The following ARHGAP31 variants were observed in gnomAD, a reference collection of about 807,000 sequenced individuals.
ARHGAP31 encodes Rho GTPase activating protein 31, also known as rho GTPase-activating protein 31.
ARHGAP31 carries 34 observed loss-of-function variants against 113.9 expected under a neutral mutation model. The ratio of observed to expected loss-of-function variants is 0.30; its 90% CI spans 0.23 to 0.40. The LOEUF (loss-of-function observed/expected upper bound fraction) is 0.40, where lower values mean the gene tolerates loss of function less well. ARHGAP31 is among the 10% of genes least tolerant of loss of function. ARHGAP31 has a pLI of 1.00. For missense variants in ARHGAP31, 1,548 were observed against 1,767.1 expected (o/e 0.88, Z 2.22); for synonymous variants, 650 against 684.8 (o/e 0.95, Z 0.79).
At chr3:119,326,764 T>C (rs559305771) in intron 1 of ARHGAP31, among the ~76,000 whole-genome samples, 1 of 152,322 alleles carries the variant, frequency 6.6e-6, no homozygotes, top group Non-Finnish European at 1.5e-5. Context: ...ATGACTGGAA[T>C]CTTGCGTTTG....
chr3:119,394,977 T>A (rs1364003156), intron 8 of ARHGAP31, among the ~76,000 whole-genome samples: 3 of 152,180 alleles, frequency 2.0e-5, no homozygotes, highest in Non-Finnish European at 2.9e-5. Context: ...CACTTTAAAA[T>A]AACTAGCAAA....
chr3:119,346,716 A>G (rs1325374404), intron 1 of ARHGAP31, among the ~76,000 whole-genome samples: 2 of 152,238 alleles, frequency 1.3e-5, no homozygotes, highest in East Asian at 3.8e-4. Context: ...TGGGGCAGAA[A>G]GAAGCCCAGG....
intron 1 of ARHGAP31, among the ~76,000 whole-genome samples, chr3:119,324,236 A>G (rs550158518): frequency 1.3e-5 from 2 of 152,272 alleles, no homozygotes; most frequent in East Asian, 3.9e-4. Flanking sequence ...ACTCACTTCA[A>G]ACCCTCCTAG....
At chr3:119,348,131 C>T (rs1240338197) in intron 1 of ARHGAP31, among the ~76,000 whole-genome samples, 4 of 152,150 alleles carry the variant, frequency 2.6e-5, no homozygotes, top group Admixed American at 2.6e-4. Flanking sequence ...TTTGTAGGAG[C>T]CTGAACACAA....
At chr3:119,316,406 A>G (rs2079731150) in intron 1 of ARHGAP31, among the ~76,000 whole-genome samples, 1 of 152,248 alleles carries the variant, frequency 6.6e-6, no homozygotes, top group South Asian at 2.1e-4. Flanking sequence ...TACAGCCCAC[A>G]ACAATCCTAC....
intron 1 of ARHGAP31, among the ~76,000 whole-genome samples, chr3:119,364,695 A>G (rs1309569133): frequency 1.3e-5 from 2 of 152,250 alleles, no homozygotes; most frequent in African/African-American, 2.4e-5. Context: ...TCAGAAGACC[A>G]TACTTGGAGA....
chr3:119,330,064 C>T, intron 1 of ARHGAP31: 1 of 941,616 alleles, frequency 1.1e-6, no homozygotes, highest in Non-Finnish European at 1.3e-6. Flanking sequence ...TATTTCCATT[C>T]AATCGTCTGA....
intron 2 of ARHGAP31, among the ~76,000 whole-genome samples, chr3:119,367,767 G>A (rs2080262185): frequency 1.3e-5 from 2 of 150,504 alleles, no homozygotes; most frequent in Non-Finnish European, 3.0e-5. Flanking sequence ...TGAGGCAGGA[G>A]AATCACTTGA....
chr3:119,377,521 T>C (rs74586253), intron 3 of ARHGAP31, among the ~76,000 whole-genome samples: 11,185 of 152,098 alleles, frequency 0.074, 735 homozygotes, highest in African/African-American at 0.16. Context: ...TGAGCTTGCT[T>C]AGGGGACATG....
At chr3:119,335,897 G>A (rs931248116) in intron 1 of ARHGAP31, among the ~76,000 whole-genome samples, 1 of 152,222 alleles carries the variant, frequency 6.6e-6, no homozygotes, top group Non-Finnish European at 1.5e-5. Context: ...TTCTGGCCAG[G>A]AGCGGTAGCT....
intron 1 of ARHGAP31, among the ~76,000 whole-genome samples, chr3:119,331,332 C>T (rs2079890162): frequency 1.3e-5 from 2 of 152,162 alleles, no homozygotes; most frequent in South Asian, 2.1e-4. Flanking sequence ...CCTTTAATTA[C>T]TTTTCTTCTG....
chr3:119,336,961 T>C lies in ARHGAP31; in HGVS notation c.101-28355T>C, dbSNP rs1343223087. Among the ~76,000 whole-genome samples the C allele has an allele frequency of 6.6e-5, 10 of 152,364 alleles. No homozygotes were observed. The East Asian group carries it at 1.9e-3, about 29-fold the overall frequency. ...ACATTTACAATATTTTCAAGGGATA[T>C]CCACATTAAAGCTTATGTTAGTACT... On this transcript the variant is annotated intron_variant, in intron 1 of 11. Transcript: ENST00000264245.
chr3:119,372,455 G>T (rs2080306544), intron 3 of ARHGAP31, among the ~76,000 whole-genome samples: 1 of 151,824 alleles, frequency 6.6e-6, no homozygotes, highest in African/African-American at 2.4e-5. Flanking sequence ...ACTAATTTTT[G>T]TATTTTTAGT....
intron 10 of ARHGAP31, among the ~76,000 whole-genome samples, chr3:119,404,688 T>C (rs1331411067): frequency 6.6e-6 from 1 of 152,242 alleles, no homozygotes; most frequent in Non-Finnish European, 1.5e-5. Context: ...TCTCCCACTT[T>C]TGGCCAATCT....
In ARHGAP31 at chr3:119,365,411, C is replaced by T. The variant is rs748347343; in HGVS notation, c.196C>T (p.Arg66Trp). ...RLSGVTSNIQ[R>W]LRQEFGSDQC... is the part of the protein sequence containing the mutation. ...TTCAGGAGTCACCTCAAACATACAA[C>T]GGCTAAGGTAAGCTAAAAGAATAGC... is the stretch of plus-strand genomic sequence containing the variant. The change falls in exon 2 of 12, where the codon CGG becomes TGG. Residue 66 changes from arginine to tryptophan, a missense_variant. Physicochemically the swap from Arg to Trp is moderately radical, Grantham distance 101. Transcript: ENST00000264245. 4 of 1,613,436 alleles carry T rather than the reference C, an allele frequency of 2.5e-6. No individual in the cohort carries two copies. The highest frequency in any genetic ancestry group is 1.1e-5 in the South Asian group (1 of 91,066).
In ARHGAP31 at chr3:119,409,515, A is replaced by G. The variant is rs1191378811; in HGVS notation, c.1665A>G (p.Ala555=). Residue 555 remains alanine, a synonymous_variant, in exon 11 of 12, where the codon GCA becomes GCG. Transcript: ENST00000264245. The part of the protein sequence containing the change: ...ETSAASVPKK[A]GLEDAKAVPE... ...CTGCAGCTTCTGTACCTAAGAAGGC[A>G]GGTCTTGAGGATGCCAAGGCAGTAC... 5.6e-6 allele frequency: 9 copies of G among 1,614,120 alleles called. No homozygotes were observed. The African/African-American group carries it at 1.2e-4, about 22-fold the overall frequency.
chr3:119,403,781 C>T (rs1164664037), intron 10 of ARHGAP31, among the ~76,000 whole-genome samples: 1 of 152,158 alleles, frequency 6.6e-6, no homozygotes, highest in Non-Finnish European at 1.5e-5. Context: ...TGAGCAGCTA[C>T]ATGTTGTGGG....
At chr3:119,397,761 G>C (rs116498564) in intron 8 of ARHGAP31, among the ~76,000 whole-genome samples, 2 of 152,164 alleles carry the variant, frequency 1.3e-5, no homozygotes, top group East Asian at 3.8e-4. Context: ...ACAAGCTTGA[G>C]TTACAGCTCA....
At chr3:119,383,852 C>T (rs1333072037) in intron 6 of ARHGAP31, among the ~76,000 whole-genome samples, 1 of 152,180 alleles carries the variant, frequency 6.6e-6, no homozygotes, top group Non-Finnish European at 1.5e-5. Flanking sequence ...TTGGTAAAGA[C>T]CAGAAATCCA....
Sources: allele counts gnomAD v4.1 joint callset (sites outside exome capture counted in the v4.1 genomes callset), GRCh38; gene constraint gnomAD v4.1.1; transcripts MANE v1.5; gene names NCBI Gene and HGNC (gene_info 2026-07-23, HGNC 2026-07-21).